OR10J1: variants seen among roughly 807,000 people sequenced by gnomAD.
The protein encoded by OR10J1 is olfactory receptor 10J1.
For synonymous variants in OR10J1, 202 were observed against 143.8 expected (o/e 1.40, Z -2.89); for missense variants, 474 against 376.6 (o/e 1.26, Z -2.14).
At chr1:159,432,397 G>C in the OR10J1 span, 1 of 403,334 alleles carries the variant, frequency 2.5e-6, no homozygotes, top group Non-Finnish European at 4.4e-6. Flanking sequence ...TTCTTCCTGA[G>C]TGTGCTGTCT....
chr1:159,411,163 A>G, the OR10J1 span, among the ~76,000 whole-genome samples: 1 of 152,106 alleles, frequency 6.6e-6, no homozygotes, highest in African/African-American at 2.4e-5. Flanking sequence ...TGCTGAAAAA[A>G]TGCATATTCT....
At position 159,440,272 on chromosome 1, in the gene OR10J1, A is replaced by G. The variant is rs1558011015; in HGVS notation, c.481A>G (p.Thr161Ala). ...GCTGATTGTAGCAATAACGCAAGTG[A>G]CATCTGTATTCAGGTTACCCTTCTG... is the stretch of plus-strand genomic sequence containing the variant. ...IGLIVAITQV[T>A]SVFRLPFCAR... The change falls in exon 1 of 1, where the codon ACA (threonine) becomes GCA (alanine). Residue 161 changes from threonine (T) to alanine (A), a missense_variant. Transcript: ENST00000423932. 6.2e-7 allele frequency: 1 copy of G among 1,614,128 alleles called. No individual in the cohort carries two copies. Among genetic ancestry groups the G allele is most frequent in the South Asian group, 1.1e-5 (1 of 91,086 alleles).
chr1:159,429,977 C>T, the OR10J1 span, among the ~76,000 whole-genome samples: 4 of 152,080 alleles, frequency 2.6e-5, no homozygotes, highest in Non-Finnish European at 5.9e-5. Flanking sequence ...AATAAGCCTC[C>T]ATCCTGCCCA....
At chr1:159,423,078 T>C in the OR10J1 span, among the ~76,000 whole-genome samples, 1 of 152,214 alleles carries the variant, frequency 6.6e-6, no homozygotes, top group Non-Finnish European at 1.5e-5. Context: ...GCCCCTCTTC[T>C]ATTTCAATCC....
At chr1:159,397,623 A>AT in the OR10J1 span, among the ~76,000 whole-genome samples, 1 of 152,072 alleles carries the variant, frequency 6.6e-6, no homozygotes, top group African/African-American at 2.4e-5. Flanking sequence ...AGTACTCCTC[A>AT]TGGCCATGGG....
the OR10J1 span, among the ~76,000 whole-genome samples, chr1:159,407,538 G>A: frequency 0.017 from 2,648 of 152,226 alleles, 35 homozygotes; most frequent in Middle Eastern, 0.027. Flanking sequence ...GATATTAAAG[G>A]AGATGTGTTT....
At chr1:159,419,381 T>A in the OR10J1 span, among the ~76,000 whole-genome samples, 1 of 152,172 alleles carries the variant, frequency 6.6e-6, no homozygotes, top group South Asian at 2.1e-4. Flanking sequence ...CTTGTGATAG[T>A]GAATAAGTCT....
At chr1:159,418,672 C>T in the OR10J1 span, among the ~76,000 whole-genome samples, 1 of 152,200 alleles carries the variant, frequency 6.6e-6, no homozygotes, top group Non-Finnish European at 1.5e-5. Context: ...AAAGTCCTTA[C>T]TGGGACACTG....
chr1:159,401,166 CA>C, the OR10J1 span, among the ~76,000 whole-genome samples: 2 of 150,792 alleles, frequency 1.3e-5, no homozygotes, highest in African/African-American at 4.9e-5. Flanking sequence ...GAAAAAACTT[CA>C]AAAAACAATC....
the OR10J1 span, among the ~76,000 whole-genome samples, chr1:159,398,879 G>A: frequency 3.9e-5 from 6 of 152,022 alleles, no homozygotes; most frequent in Non-Finnish European, 8.8e-5. Flanking sequence ...TTATTCAAAA[G>A]GATTATAACA....
chr1:159,420,075 C>G, the OR10J1 span, among the ~76,000 whole-genome samples: 2 of 151,840 alleles, frequency 1.3e-5, no homozygotes, highest in Admixed American at 1.3e-4. Flanking sequence ...TATATAATGA[C>G]CTTCTTTGTC....
the OR10J1 span, among the ~76,000 whole-genome samples, chr1:159,416,034 T>C: frequency 6.6e-6 from 1 of 152,092 alleles, no homozygotes; most frequent in African/African-American, 2.4e-5. Flanking sequence ...GTTGATTTTG[T>C]ATCTTACAAC....
At chr1:159,412,648 A>C in the OR10J1 span, among the ~76,000 whole-genome samples, 1 of 151,696 alleles carries the variant, frequency 6.6e-6, no homozygotes, top group Non-Finnish European at 1.5e-5. Context: ...AGAAAGCTGA[A>C]ACTGGATCCC....
the OR10J1 span, among the ~76,000 whole-genome samples, chr1:159,424,131 G>A: frequency 6.6e-6 from 1 of 151,384 alleles, no homozygotes. Flanking sequence ...CAGGAGAATC[G>A]CTTGAATCCA....
At chr1:159,415,928 T>C in the OR10J1 span, among the ~76,000 whole-genome samples, 1 of 151,944 alleles carries the variant, frequency 6.6e-6, no homozygotes, top group African/African-American at 2.4e-5. Context: ...CCTAGTTTTT[T>C]TTCAGTTATT....
At chr1:159,399,384 AC>A in the OR10J1 span, among the ~76,000 whole-genome samples, 1 of 151,998 alleles carries the variant, frequency 6.6e-6, no homozygotes, top group South Asian at 2.1e-4. Context: ...ATCCTGGCTA[AC>A]ACGGTGAAAC....
the OR10J1 span, among the ~76,000 whole-genome samples, chr1:159,420,737 G>T: frequency 3.5e-4 from 53 of 151,876 alleles, no homozygotes; most frequent in Admixed American, 2.0e-3. Flanking sequence ...TTATCTCATG[G>T]TCTGCATGGT....
At chr1:159,423,164 A>G in the OR10J1 span, among the ~76,000 whole-genome samples, 1 of 152,190 alleles carries the variant, frequency 6.6e-6, no homozygotes, top group African/African-American at 2.4e-5. Flanking sequence ...CTTAAAGAAC[A>G]TATCTCCCTT....
chr1:159,407,024 T>C, the OR10J1 span, among the ~76,000 whole-genome samples: 2,353 of 152,244 alleles, frequency 0.015, 52 homozygotes, highest in East Asian at 0.061. Context: ...TTTTTTCCAG[T>C]TGTTACCATA....
Sources: gnomAD v4.1 joint callset for allele counts (sites outside exome capture counted in the v4.1 genomes callset) on GRCh38, gnomAD v4.1.1 for gene constraint, MANE v1.5 for transcripts, NCBI Gene and HGNC (gene_info 2026-07-23, HGNC 2026-07-21) for gene names.